ANGPTL5: variants seen among roughly 807,000 people sequenced by gnomAD.
ANGPTL5 encodes angiopoietin like 5, also known as angiopoietin-related protein 5.
In ANGPTL5, 34 loss-of-function variants were observed where a neutral mutation model predicts 39.4. That is an observed-to-expected ratio of 0.86 (90% confidence interval 0.66 to 1.15). The LOEUF (loss-of-function observed/expected upper bound fraction) is 1.15. ANGPTL5 is among the 50% of genes most tolerant of loss of function. The pLI is 0.00. For synonymous variants in ANGPTL5, 146 were observed against 152.1 expected (o/e 0.96, Z 0.29); for missense variants, 467 against 457.5 (o/e 1.02, Z -0.19).
chr11:101,915,484 C>T (rs555804114), intron 1 of ANGPTL5: 1 of 1,540,034 alleles, frequency 6.5e-7, no homozygotes, highest in South Asian at 1.2e-5. Context: ...CAATTAGATT[C>T]CCATTACCTT....
At chr11:101,895,985 G>C (rs929135858) in intron 7 of ANGPTL5, among the ~76,000 whole-genome samples, 1 of 151,988 alleles carries the variant, frequency 6.6e-6, no homozygotes, top group Non-Finnish European at 1.5e-5. Flanking sequence ...TTAGCAACAC[G>C]CTCACTTACA....
rs777818263 is a variant in ANGPTL5, at chr11:101,894,901, T to C, written c.825A>G (p.Leu275=). The change falls in exon 8 of 9, where the codon TTA becomes TTG. Residue 275 remains leucine, a synonymous_variant. Coordinates refer to ENST00000334289, the MANE Select transcript of ANGPTL5 (RefSeq NM_178127.5). ...EDETRFFKMH[L]GRYSGNAGDA... The stretch of plus-strand genomic sequence containing the variant: ...TACCAGCATTTCCTGAATACCGTCC[T>C]AAGTGCATTTTAAAAAATCTCGTTT... 8.1e-6 allele frequency: 13 copies of C among 1,613,238 alleles called. No individual in the cohort carries two copies. The highest frequency in any genetic ancestry group is 1.0e-5 in the Non-Finnish European group (12 of 1,179,472).
chr11:101,895,134 T>C, intron 7 of ANGPTL5, 70 bp from the exon 8 acceptor site: 1 of 1,277,710 alleles, frequency 7.8e-7, no homozygotes, highest in South Asian at 1.5e-5. Context: ...ATTGAATGTT[T>C]GGTCTTGTTT....
chr11:101,896,843 T>C (rs1939806286), intron 7 of ANGPTL5, among the ~76,000 whole-genome samples: 1 of 152,234 alleles, frequency 6.6e-6, no homozygotes, highest in South Asian at 2.1e-4. Context: ...TATAGTAGAA[T>C]GATTTATAAT....
At chr11:101,905,692 C>T in intron 4 of ANGPTL5, 52 bp downstream of exon 4, 4 of 1,249,000 alleles carry the variant, frequency 3.2e-6, no homozygotes, top group South Asian at 2.5e-5. Context: ...CTCCAGCTAA[C>T]TATACATCAA....
intron 1 of ANGPTL5, among the ~76,000 whole-genome samples, chr11:101,909,106 T>G (rs1940049584): frequency 6.6e-6 from 1 of 152,208 alleles, no homozygotes; most frequent in Admixed American, 6.5e-5. Flanking sequence ...ACTGCCATAG[T>G]TTTTATGGTA....
In ANGPTL5 at chr11:101,891,270, TA is replaced by T; in HGVS notation, c.*8del. ...CATTGTAGAACTTGCATTACAATGTTAAATGAGATTATTTAAAATATGGATT... is the reference window on the plus strand; with the variant it reads ...CATTGTAGAACTTGCATTACAATGTTAATGAGATTATTTAAAATATGGATT... On this transcript the variant is annotated 3_prime_UTR_variant, in exon 9 of 9. Transcript: ENST00000334289. 1 of 1,593,374 alleles carries T rather than the reference TA, an allele frequency of 6.3e-7. No homozygotes were observed. The highest frequency in any genetic ancestry group is 8.6e-7 in the Non-Finnish European group (1 of 1,161,706).
intron 1 of ANGPTL5, among the ~76,000 whole-genome samples, chr11:101,912,718 T>C (rs1308887721): frequency 6.6e-6 from 1 of 152,146 alleles, no homozygotes; most frequent in East Asian, 1.9e-4. Context: ...ACTGACTGAA[T>C]AGACCCCCTC....
intron 7 of ANGPTL5, among the ~76,000 whole-genome samples, chr11:101,898,249 A>G (rs1024583360): frequency 4.6e-5 from 7 of 152,088 alleles, no homozygotes; most frequent in African/African-American, 1.2e-4. Context: ...TTTGGGCAGT[A>G]TGGCCATTTT....
intron 1 of ANGPTL5, among the ~76,000 whole-genome samples, chr11:101,910,755 C>T (rs1356299987): frequency 1.3e-5 from 2 of 152,128 alleles, no homozygotes. Context: ...GCTCAAGGTT[C>T]AAACTGTAAA....
At chr11:101,911,140 T>C (rs1446177299) in intron 1 of ANGPTL5, among the ~76,000 whole-genome samples, 1 of 111,250 alleles carries the variant, frequency 9.0e-6, no homozygotes, top group Non-Finnish European at 1.8e-5. Context: ...TTTTTTTTTT[T>C]TGAGACAGAG....
chr11:101,891,653 T>G, intron 8 of ANGPTL5, 55 bp from the exon 9 acceptor site: 3 of 1,508,318 alleles, frequency 2.0e-6, no homozygotes, highest in Non-Finnish European at 1.8e-6. Context: ...TTATTTTAAT[T>G]AATCATTACC....
chr11:101,915,429 G>C (rs1317470066), intron 1 of ANGPTL5: 3 of 1,596,632 alleles, frequency 1.9e-6, no homozygotes, highest in Admixed American at 3.4e-5. Flanking sequence ...TTCCCAGCCT[G>C]TGGCTGCCAG....
At chr11:101,900,640 AAAAGAG>A (rs1434816099) in intron 6 of ANGPTL5, 90 bp from the exon 7 acceptor site, 66 of 1,397,896 alleles carry the variant, frequency 4.7e-5, no homozygotes, top group Non-Finnish European at 5.9e-5. Context: ...TAGGCTTAGA[AAAAGAG>A]ACGGTACTGC....
intron 1 of ANGPTL5, chr11:101,915,237 A>T (rs765313268): frequency 4.4e-6 from 7 of 1,608,260 alleles, no homozygotes; most frequent in African/African-American, 1.3e-5. Context: ...CGGAGCTGCC[A>T]TGAGGGAGGT....
chr11:101,907,049 C>T (rs1940008196), intron 3 of ANGPTL5, 54 bp downstream of exon 3: 1 of 1,338,890 alleles, frequency 7.5e-7, no homozygotes, highest in Non-Finnish European at 1.0e-6. Context: ...CAGTGTCTAC[C>T]CTAAAAATAA....
At chr11:101,895,154 A>C (rs1939770256) in intron 7 of ANGPTL5, 90 bp from the exon 8 acceptor site, 15 of 1,146,516 alleles carry the variant, frequency 1.3e-5, no homozygotes, top group Non-Finnish European at 1.8e-5. Flanking sequence ...TAGCATTTCA[A>C]AAACTCTGAG....
At chr11:101,900,699 ATG>A (rs1939878861) in intron 6 of ANGPTL5, 149 bp from the exon 7 acceptor site, 3 of 782,560 alleles carry the variant, frequency 3.8e-6, no homozygotes, top group Non-Finnish European at 6.2e-6. Flanking sequence ...ATTTATTCAG[ATG>A]TTTTTTATAT....
rs2137073143 is a variant in ANGPTL5 at position 101,916,020 on chromosome 11, T to G, written c.-94A>C. 1 of 152,374 alleles carries G rather than the reference T, an allele frequency of 6.6e-6. No individual in the cohort carries two copies. Among genetic ancestry groups the G allele is most frequent in the Admixed American group, 6.5e-5 (1 of 15,300 alleles). 9.4% of individuals were successfully genotyped at this position (152,374 alleles called of 1,614,324 possible). ...TCTCGAAGAGTTGGTTAAGCCTACC[T>G]TTGATGTTGCTGTTGGTTGCATTGT... On this transcript the variant is annotated splice_region_variant and 5_prime_UTR_variant, in exon 1 of 9. Transcript: ENST00000334289.
Sources: allele counts gnomAD v4.1 joint callset (sites outside exome capture counted in the v4.1 genomes callset), GRCh38; gene constraint gnomAD v4.1.1; transcripts MANE v1.5; gene names NCBI Gene and HGNC (gene_info 2026-07-23, HGNC 2026-07-21).